Variants in ATP10B observed in about 807,000 individuals in gnomAD.
The protein encoded by ATP10B is ATPase phospholipid transporting 10B (putative).
Under a neutral mutation model 141.2 loss-of-function variants are expected in ATP10B, and 122 were observed. The ratio of observed to expected loss-of-function variants is 0.86; its 90% CI spans 0.75 to 1.00. The LOEUF (loss-of-function observed/expected upper bound fraction) is 1.00, where lower values mean the gene tolerates loss of function less well. Ranked by LOEUF, ATP10B falls within the 50% of genes least tolerant of loss-of-function variation. The pLI is 0.00. For missense variants in ATP10B, 1,876 were observed against 1,825.3 expected, an observed-to-expected ratio of 1.03 and a Z score of -0.51; for synonymous variants, 685 against 692.0, an observed-to-expected ratio of 0.99 and a Z score of 0.16.
At chr5:160,688,291 T>C (rs558944716) in intron 4 of ATP10B, among the ~76,000 whole-genome samples, 197 bp from the exon 5 acceptor site, 1 of 152,314 alleles carries the variant, frequency 6.6e-6, no homozygotes, top group South Asian at 2.1e-4. Flanking sequence ...TTTCTGACAT[T>C]AGAGTCATAA....
At chr5:160,911,784 T>C in the ATP10B span, among the ~76,000 whole-genome samples, 1 of 152,144 alleles carries the variant, frequency 6.6e-6, no homozygotes, top group Admixed American at 6.5e-5. Context: ...GCAGGGACCA[T>C]CTCACCCAGC....
chr5:160,685,946 A>AC (rs557299886), intron 6 of ATP10B, 133 bp downstream of exon 6: 98 of 777,492 alleles, frequency 1.3e-4, no homozygotes, highest in Middle Eastern at 1.2e-3. Context: ...GGTCGAAATC[A>AC]CCCCCCCTTG....
intron 2 of ATP10B, 55 bp from the exon 3 acceptor site, chr5:160,717,089 G>A (rs1581406865): frequency 2.1e-6 from 2 of 960,152 alleles, no homozygotes; most frequent in South Asian, 9.6e-5. Flanking sequence ...AGTTATAAAT[G>A]CTATTTATAT....
chr5:160,606,666 A>G (rs1241696628), intron 19 of ATP10B, 99 bp downstream of exon 19: 6 of 1,192,978 alleles, frequency 5.0e-6, no homozygotes, highest in African/African-American at 3.0e-5. Flanking sequence ...CTCACAGCCT[A>G]AGCATTCTGA....
intron 7 of ATP10B, among the ~76,000 whole-genome samples, chr5:160,653,653 A>G (rs1258889478): frequency 2.6e-5 from 2 of 78,190 alleles, no homozygotes; most frequent in African/African-American, 5.1e-5. Flanking sequence ...TATATTATAT[A>G]TACATATATA....
chr5:160,647,725 C>A (rs1760396824), intron 8 of ATP10B, among the ~76,000 whole-genome samples: 1 of 152,184 alleles, frequency 6.6e-6, no homozygotes, highest in South Asian at 2.1e-4. Context: ...CCCTTCTCTT[C>A]AGAGCAGGTG....
chr5:160,748,925 G>A (rs934125370), intron 2 of ATP10B, among the ~76,000 whole-genome samples: 1 of 152,126 alleles, frequency 6.6e-6, no homozygotes, highest in African/African-American at 2.4e-5. Flanking sequence ...CCTGCACTTG[G>A]CCCCCCGTAT....
At position 160,563,346 on chromosome 5, in the gene ATP10B, G is replaced by T. The variant is rs1306071569; in HGVS notation, c.*2107C>A. The T allele has an allele frequency of 6.6e-6, 1 of 152,172 alleles. No individual in the cohort carries two copies. Among genetic ancestry groups the T allele is most frequent in the Non-Finnish European group, 1.5e-5 (1 of 68,036 alleles). 9.4% of individuals were successfully genotyped at this position (152,172 alleles called of 1,614,324 possible). On this transcript the variant is annotated 3_prime_UTR_variant, in exon 26 of 26. Transcript: ENST00000327245. ...GTGACCAGTTGTACCAGTTGCTCCAGTTTCCTAGGATTTGGGACTCTGTAA... is the reference window on the plus strand; with the variant it reads ...GTGACCAGTTGTACCAGTTGCTCCATTTTCCTAGGATTTGGGACTCTGTAA...
intron 3 of ATP10B, among the ~76,000 whole-genome samples, chr5:160,714,956 G>T (rs951992942): frequency 8.2e-6 from 1 of 121,540 alleles, no homozygotes; most frequent in Non-Finnish European, 1.8e-5. Context: ...CCCACTTGAG[G>T]AGGCAGTCTG....
the ATP10B span, among the ~76,000 whole-genome samples, chr5:160,917,638 C>T: frequency 2.0e-4 from 31 of 152,142 alleles, no homozygotes; most frequent in Non-Finnish European, 4.3e-4. Flanking sequence ...TTGTGTGCCT[C>T]GATTGGGCCA....
chr5:160,654,426 G>C (rs961135575), intron 7 of ATP10B, among the ~76,000 whole-genome samples: 3 of 152,084 alleles, frequency 2.0e-5, no homozygotes, highest in African/African-American at 7.2e-5. Context: ...GCCCTTTGAT[G>C]AAAGTCTTGC....
the ATP10B span, among the ~76,000 whole-genome samples, chr5:160,904,590 T>C: frequency 6.6e-6 from 1 of 152,178 alleles, no homozygotes; most frequent in African/African-American, 2.4e-5. Context: ...GCAATACATA[T>C]TTTAGGCAAA....
At chr5:160,639,827 CT>C in intron 10 of ATP10B, among the ~76,000 whole-genome samples, 1 of 152,296 alleles carries the variant, frequency 6.6e-6, no homozygotes, top group South Asian at 2.1e-4. Flanking sequence ...AATTATACAA[CT>C]TACCATAGTG....
the ATP10B span, among the ~76,000 whole-genome samples, chr5:160,879,626 C>T: frequency 6.6e-6 from 1 of 151,444 alleles, no homozygotes; most frequent in Non-Finnish European, 1.5e-5. Flanking sequence ...ACGGTGAGGT[C>T]AAGAGATGGA....
the ATP10B span, among the ~76,000 whole-genome samples, chr5:160,882,417 T>C: frequency 6.6e-6 from 1 of 152,134 alleles, no homozygotes; most frequent in Admixed American, 6.6e-5. Context: ...TTAAGATTGT[T>C]CTAAGAAAAT....
intron 2 of ATP10B, among the ~76,000 whole-genome samples, chr5:160,770,508 C>G (rs781568505): frequency 1.7e-4 from 26 of 151,932 alleles, no homozygotes; most frequent in Non-Finnish European, 3.4e-4. Flanking sequence ...TCTCAAAAAA[C>G]AAAATTAAGT....
chr5:160,606,844 G>A lies in ATP10B; in HGVS notation c.3081C>T (p.Cys1027=), dbSNP rs1581190851. ...TCTTCTGGAGTGGCGTGGAGCGGCA[G>A]CACAGGACGGACCGACAATACTGGG... ...ELTQYCRSVL[C]CRSTPLQKSM... Residue 1027 remains cysteine, a synonymous_variant, in exon 19 of 26, where the codon TGC becomes TGT. Transcript: ENST00000327245. 1.2e-6 allele frequency: 2 copies of A among 1,614,160 alleles called. No homozygotes were observed. The highest frequency in any genetic ancestry group is 4.5e-5 in the East Asian group (2 of 44,876).
At chr5:160,876,507 C>T in the ATP10B span, among the ~76,000 whole-genome samples, 1 of 146,756 alleles carries the variant, frequency 6.8e-6, no homozygotes, top group South Asian at 2.2e-4. Flanking sequence ...CATTCAAAAG[C>T]TAGCAGAAGG....
chr5:160,627,323 C>T (rs1758662500), intron 13 of ATP10B, among the ~76,000 whole-genome samples: 1 of 152,210 alleles, frequency 6.6e-6, no homozygotes, highest in African/African-American at 2.4e-5. Flanking sequence ...CCTTTTGCCC[C>T]TTCATTGAGC....
Sources: gnomAD v4.1 joint callset for allele counts (sites outside exome capture counted in the v4.1 genomes callset) on GRCh38, gnomAD v4.1.1 for gene constraint, MANE v1.5 for transcripts, NCBI Gene and HGNC (gene_info 2026-07-23, HGNC 2026-07-21) for gene names.